The following CWC27 variants were observed in gnomAD, a reference collection of about 807,000 sequenced individuals.
CWC27 encodes the protein spliceosome-associated protein CWC27 homolog.
Under a neutral mutation model 63.6 loss-of-function variants are expected in CWC27, and 47 were observed. The observed-to-expected ratio is 0.74, with a 90% CI of 0.58 to 0.94. The LOEUF is 0.94. CWC27 is among the 40% of genes least tolerant of loss of function. The probability of loss-of-function intolerance (pLI) is 0.00; values close to 1 mark genes in which losing one functional copy is unlikely to be tolerated. For missense variants in CWC27, 495 were observed against 554.3 expected, an observed-to-expected ratio of 0.89 and a Z score of 1.07; for synonymous variants, 175 against 179.8, an observed-to-expected ratio of 0.97 and a Z score of 0.22.
chr5:65,010,616 G>A (rs1749933085), intron 13 of CWC27, among the ~76,000 whole-genome samples: 1 of 152,172 alleles, frequency 6.6e-6, no homozygotes, highest in Admixed American at 6.5e-5. Flanking sequence ...ATTTCATAAA[G>A]AATGGCAAGG....
chr5:64,866,576 GC>G (rs1352113852), intron 10 of CWC27, among the ~76,000 whole-genome samples: 1 of 152,006 alleles, frequency 6.6e-6, no homozygotes, highest in East Asian at 1.9e-4. Flanking sequence ...TGTTTTAGCT[GC>G]ATCCTGTAAG....
chr5:64,887,279 G>A (rs895448631), intron 11 of CWC27, among the ~76,000 whole-genome samples: 4 of 151,972 alleles, frequency 2.6e-5, no homozygotes, highest in Admixed American at 2.6e-4. Context: ...TAAATAGGTA[G>A]GTAAAGACAT....
intron 2 of CWC27, among the ~76,000 whole-genome samples, chr5:64,778,739 G>T (rs551611786): frequency 1.2e-3 from 176 of 152,238 alleles, no homozygotes; most frequent in African/African-American, 3.8e-3. Context: ...TGATGAAATG[G>T]TTACCTAGGA....
intron 11 of CWC27, among the ~76,000 whole-genome samples, chr5:64,897,056 C>G (rs1747395560): frequency 6.6e-6 from 1 of 151,882 alleles, no homozygotes. Flanking sequence ...TACTAAAATA[C>G]AAAAAAATTA....
At chr5:64,804,593 A>G in intron 10 of CWC27, 2 of 459,708 alleles carry the variant, frequency 4.4e-6, no homozygotes, top group East Asian at 3.3e-5. Flanking sequence ...CTATGAGTTC[A>G]ATTCCATTTT....
chr5:65,011,245 G>A (rs956078206), intron 13 of CWC27, among the ~76,000 whole-genome samples: 2 of 152,114 alleles, frequency 1.3e-5, no homozygotes, highest in Non-Finnish European at 1.5e-5. Flanking sequence ...AAAAAGCAGA[G>A]CCGCCACCTT....
chr5:64,907,394 GTTGGAT>G (rs1194015891), intron 11 of CWC27, among the ~76,000 whole-genome samples: 35 of 152,268 alleles, frequency 2.3e-4, no homozygotes, highest in Non-Finnish European at 1.5e-5. Context: ...TCCCTTGTAA[GTTGGAT>G]TCCTGTGTAT....
At chr5:64,781,504 C>CG (rs1682262345) in intron 2 of CWC27, among the ~76,000 whole-genome samples, 1 of 152,194 alleles carries the variant, frequency 6.6e-6, no homozygotes, top group African/African-American at 2.4e-5. Flanking sequence ...GTTGTGGGAA[C>CG]TGTCTTTTGC....
chr5:64,942,780 T>G (rs927804395), intron 11 of CWC27, among the ~76,000 whole-genome samples: 1 of 152,248 alleles, frequency 6.6e-6, no homozygotes, highest in African/African-American at 2.4e-5. Context: ...TTTTCTTGCC[T>G]TGAGCAGCAT....
At chr5:64,827,926 C>CT (rs1419309031) in intron 10 of CWC27, among the ~76,000 whole-genome samples, 1 of 152,066 alleles carries the variant, frequency 6.6e-6, no homozygotes, top group Non-Finnish European at 1.5e-5. Context: ...AGAATCGTTC[C>CT]TTTGTGCAAT....
At chr5:64,829,419 G>A (rs1259283407) in intron 10 of CWC27, among the ~76,000 whole-genome samples, 3 of 151,846 alleles carry the variant, frequency 2.0e-5, no homozygotes, top group Non-Finnish European at 4.4e-5. Flanking sequence ...ATTTAATTTG[G>A]GATCTGTTAG....
intron 10 of CWC27, among the ~76,000 whole-genome samples, chr5:64,880,853 C>CTTTTTTTTTTTTTTT (rs571051416): frequency 2.9e-5 from 4 of 136,086 alleles, no homozygotes; most frequent in African/African-American, 2.8e-5. Context: ...TTATAAAAGC[C>CTTTTTTTTTTTTTTT]ATTTTTTTTT....
At chr5:64,913,694 A>G (rs953841627) in intron 11 of CWC27, among the ~76,000 whole-genome samples, 3 of 152,220 alleles carry the variant, frequency 2.0e-5, no homozygotes, top group African/African-American at 7.2e-5. Flanking sequence ...ATTGAATAAT[A>G]TTAAAGATTA....
chr5:64,994,029 T>A (rs1451431017), intron 13 of CWC27, among the ~76,000 whole-genome samples: 1 of 152,244 alleles, frequency 6.6e-6, no homozygotes, highest in Non-Finnish European at 1.5e-5. Flanking sequence ...AATGTCATTT[T>A]CTTTTAAGAA....
intron 10 of CWC27, among the ~76,000 whole-genome samples, chr5:64,868,124 T>C (rs1310346781): frequency 6.6e-6 from 1 of 151,918 alleles, no homozygotes; most frequent in Non-Finnish European, 1.5e-5. Flanking sequence ...CATCAAGAAA[T>C]TGCCAAGATT....
chr5:64,806,741 C>A (rs754616527), intron 10 of CWC27, among the ~76,000 whole-genome samples: 4 of 152,034 alleles, frequency 2.6e-5, no homozygotes, highest in Non-Finnish European at 5.9e-5. Context: ...GCTCAGCAGG[C>A]TGAGGTGGGA....
At chr5:64,875,240 A>G (rs926041785) in intron 10 of CWC27, among the ~76,000 whole-genome samples, 2 of 152,154 alleles carry the variant, frequency 1.3e-5, no homozygotes, top group Non-Finnish European at 2.9e-5. Context: ...AAAAATACAT[A>G]TGATCTTTCA....
chr5:64,887,009 ATTTCAACTAGAAAGATC>A (rs1194132981), intron 11 of CWC27, among the ~76,000 whole-genome samples: 3 of 152,108 alleles, frequency 2.0e-5, no homozygotes, highest in South Asian at 2.1e-4. Context: ...TATGAAAATA[ATTTCAACTAGAAAGATC>A]TTTCAACTAG....
intron 11 of CWC27, among the ~76,000 whole-genome samples, chr5:64,904,792 A>G (rs1747590661): frequency 6.6e-6 from 1 of 152,238 alleles, no homozygotes; most frequent in East Asian, 1.9e-4. Context: ...GACTCAGATA[A>G]GGATTGGAAT....
Sources: gnomAD v4.1 joint callset for allele counts (sites outside exome capture counted in the v4.1 genomes callset) on GRCh38, gnomAD v4.1.1 for gene constraint, MANE v1.5 for transcripts, NCBI Gene and HGNC (gene_info 2026-07-23, HGNC 2026-07-21) for gene names.